Variants in SAMTOR observed in about 807,000 individuals in gnomAD.
SAMTOR encodes the protein UPF0532 protein C7orf60.
chr7:112,907,627 GA>G, the SAMTOR span, among the ~76,000 whole-genome samples: 10 of 142,480 alleles, frequency 7.0e-5, no homozygotes, highest in Middle Eastern at 0.011. Context: ...AAAGTCAACA[GA>G]AAAAAAAAAC....
chr7:112,875,226 A>C, the SAMTOR span, among the ~76,000 whole-genome samples: 1 of 152,324 alleles, frequency 6.6e-6, no homozygotes, highest in South Asian at 2.1e-4. Context: ...ACTTGTAATA[A>C]GTAACAAAAT....
At chr7:112,842,775 ACAATAGACTTTGAGTAT>A in the SAMTOR span, among the ~76,000 whole-genome samples, 1 of 151,962 alleles carries the variant, frequency 6.6e-6, no homozygotes, top group African/African-American at 2.4e-5. Context: ...TATGCTAAAG[ACAATAGACTTTGAGTAT>A]CTATTAAAAG....
At chr7:112,895,952 G>A in the SAMTOR span, among the ~76,000 whole-genome samples, 1 of 152,114 alleles carries the variant, frequency 6.6e-6, no homozygotes, top group African/African-American at 2.4e-5. Flanking sequence ...ATTATGTTTA[G>A]TAAATAAAAA....
the SAMTOR span, among the ~76,000 whole-genome samples, chr7:112,917,879 G>C: frequency 2.6e-5 from 4 of 152,230 alleles, no homozygotes; most frequent in South Asian, 6.2e-4. Flanking sequence ...GAAATGAAGC[G>C]AGAAGGGAAG....
At chr7:112,925,229 G>T in the SAMTOR span, among the ~76,000 whole-genome samples, 1 of 152,060 alleles carries the variant, frequency 6.6e-6, no homozygotes, top group Non-Finnish European at 1.5e-5. Context: ...CACTATTTCT[G>T]ACTTTATCCA....
the SAMTOR span, chr7:112,915,331 C>T: frequency 2.6e-5 from 42 of 1,612,456 alleles, no homozygotes; most frequent in South Asian, 4.4e-5. Flanking sequence ...ATACGACCTT[C>T]GCCCTCACAA....
the SAMTOR span, among the ~76,000 whole-genome samples, chr7:112,932,447 A>G: frequency 6.6e-6 from 1 of 152,242 alleles, no homozygotes; most frequent in African/African-American, 2.4e-5. Context: ...AAATTAGAAA[A>G]CATGGGTATC....
the SAMTOR span, among the ~76,000 whole-genome samples, chr7:112,904,840 T>C: frequency 6.6e-6 from 1 of 152,194 alleles, no homozygotes; most frequent in Non-Finnish European, 1.5e-5. Context: ...AAAAACCAGA[T>C]AACCCCTGTA....
chr7:112,823,241 T>A, the SAMTOR span, among the ~76,000 whole-genome samples: 1 of 152,162 alleles, frequency 6.6e-6, no homozygotes, highest in Non-Finnish European at 1.5e-5. Flanking sequence ...CTTCTTCCCT[T>A]TTTCTTAAAG....
At chr7:112,910,208 G>A in the SAMTOR span, among the ~76,000 whole-genome samples, 1 of 151,926 alleles carries the variant, frequency 6.6e-6, no homozygotes, top group African/African-American at 2.4e-5. Context: ...AATCCAAGAT[G>A]TTACTGTGAC....
the SAMTOR span, among the ~76,000 whole-genome samples, chr7:112,847,505 A>C: frequency 2.0e-5 from 3 of 152,180 alleles, no homozygotes; most frequent in Non-Finnish European, 4.4e-5. Flanking sequence ...TAGGCCAGGC[A>C]TGGTGGCTCA....
the SAMTOR span, chr7:112,821,911 C>T: frequency 1.2e-6 from 2 of 1,612,956 alleles, no homozygotes; most frequent in African/African-American, 1.3e-5. Flanking sequence ...TTAGAATATT[C>T]CTCATCTTCT....
At chr7:112,908,804 T>C in the SAMTOR span, among the ~76,000 whole-genome samples, 1 of 152,130 alleles carries the variant, frequency 6.6e-6, no homozygotes, top group African/African-American at 2.4e-5. Context: ...TATATGACAG[T>C]TGAATTCTGA....
the SAMTOR span, among the ~76,000 whole-genome samples, chr7:112,912,885 A>G: frequency 6.6e-6 from 1 of 152,168 alleles, no homozygotes; most frequent in East Asian, 1.9e-4. Flanking sequence ...AGGTGAAAGC[A>G]ATTGCTCCAA....
At chr7:112,907,909 C>T in the SAMTOR span, among the ~76,000 whole-genome samples, 1 of 151,694 alleles carries the variant, frequency 6.6e-6, no homozygotes, top group African/African-American at 2.4e-5. Flanking sequence ...ATAACCTCTA[C>T]ACAGGGCAAT....
chr7:112,819,219 G>C, the SAMTOR span: 1 of 152,512 alleles, frequency 6.6e-6, no homozygotes, highest in Non-Finnish European at 1.5e-5. Flanking sequence ...AAACACACAC[G>C]TACATTTTCA....
chr7:112,868,483 T>C, the SAMTOR span, among the ~76,000 whole-genome samples: 4 of 152,190 alleles, frequency 2.6e-5, no homozygotes, highest in Admixed American at 1.3e-4. Flanking sequence ...CTGCTAGTTA[T>C]CTGTATAACC....
chr7:112,939,707 C>G, the SAMTOR span: 2 of 1,610,424 alleles, frequency 1.2e-6, no homozygotes, highest in Non-Finnish European at 1.7e-6. Flanking sequence ...GGACCCGGCC[C>G]TCTGCGCACG....
chr7:112,886,843 C>T, the SAMTOR span, among the ~76,000 whole-genome samples: 2 of 152,112 alleles, frequency 1.3e-5, no homozygotes, highest in Non-Finnish European at 2.9e-5. Context: ...GTACAGCTTT[C>T]CAATGGCAAT....
Sources: gnomAD v4.1 joint callset for allele counts (sites outside exome capture counted in the v4.1 genomes callset) on GRCh38, gnomAD v4.1.1 for gene constraint, MANE v1.5 for transcripts, NCBI Gene and HGNC (gene_info 2026-07-23, HGNC 2026-07-21) for gene names.